PDGFD: variants seen among roughly 807,000 people sequenced by gnomAD.
PDGFD encodes platelet-derived growth factor D.
A neutral mutation model predicts 44.7 loss-of-function variants in PDGFD; 30 were observed. That is an observed-to-expected ratio of 0.67 (90% CI 0.50 to 0.91). The LOEUF is 0.91. Among genes scored for constraint, PDGFD ranks in the 40% least tolerant of loss-of-function variants. PDGFD has a pLI of 0.00. For missense variants in PDGFD, 445 were observed against 457.8 expected, an observed-to-expected ratio of 0.97 and a Z score of 0.25; for synonymous variants, 173 against 168.4, an observed-to-expected ratio of 1.03 and a Z score of -0.21.
At chr11:104,115,459 A>G (rs7925605) in intron 1 of PDGFD, among the ~76,000 whole-genome samples, 37,816 of 151,622 alleles carry the variant, frequency 0.25, 4,828 homozygotes, top group East Asian at 0.29. Flanking sequence ...TGGGTTTGTT[A>G]CATGATTTTG....
At chr11:103,926,746 G>C (rs1858321325) in intron 6 of PDGFD, among the ~76,000 whole-genome samples, 166 bp downstream of exon 6, 1 of 152,198 alleles carries the variant, frequency 6.6e-6, no homozygotes, top group Non-Finnish European at 1.5e-5. Flanking sequence ...CCTGTCATCA[G>C]GACACTTGGC....
intron 1 of PDGFD, among the ~76,000 whole-genome samples, chr11:104,121,085 A>T (rs1861772595): frequency 6.6e-6 from 1 of 152,054 alleles, no homozygotes. Context: ...TTGAAGATAC[A>T]GAGTGACAGC....
intron 1 of PDGFD, among the ~76,000 whole-genome samples, chr11:104,076,240 C>A (rs1465748221): frequency 1.3e-5 from 2 of 152,128 alleles, no homozygotes; most frequent in African/African-American, 4.8e-5. Flanking sequence ...TTAATTAAAC[C>A]TCTTTCCTTT....
At chr11:104,037,237 G>T in intron 1 of PDGFD, 1 of 1,613,780 alleles carries the variant, frequency 6.2e-7, no homozygotes, top group Admixed American at 1.7e-5. Context: ...CGGCCTGCAA[G>T]GTCTGGGCAG....
Position 104,072,859 on chromosome 11 carries a change from G to A in PDGFD, c.125-72604C>T, listed in dbSNP as rs528561640. On this transcript the variant is annotated intron_variant, in intron 1 of 6. Coordinates refer to ENST00000393158, the MANE Select transcript of PDGFD (RefSeq NM_025208.5). ...GCTCTTTCAGAAATGTGTGGGTTTA[G>A]ATGACATAATGTATATAAATGTCTA... Among the ~76,000 whole-genome samples the A allele has an allele frequency of 4.6e-5, 7 of 152,102 alleles. No individual in the cohort carries two copies. In the East Asian group the frequency reaches 9.6e-4, roughly 21 times the overall value.
chr11:104,096,209 C>T (rs1293726601), intron 1 of PDGFD, among the ~76,000 whole-genome samples: 3 of 149,342 alleles, frequency 2.0e-5, no homozygotes. Flanking sequence ...ATTCAAGGAT[C>T]CATATGTCCA....
chr11:104,014,570 T>C (rs1859833236), intron 1 of PDGFD, among the ~76,000 whole-genome samples: 1 of 152,138 alleles, frequency 6.6e-6, no homozygotes, highest in African/African-American at 2.4e-5. Flanking sequence ...ATCTAGAATC[T>C]TTTTTTCAGA....
At chr11:104,058,134 A>T (rs1483053761) in intron 1 of PDGFD, among the ~76,000 whole-genome samples, 1 of 152,346 alleles carries the variant, frequency 6.6e-6, no homozygotes, top group Admixed American at 6.5e-5. Flanking sequence ...CATGAACCAT[A>T]AAAGAAAACA....
intron 1 of PDGFD, among the ~76,000 whole-genome samples, chr11:104,132,072 A>G (rs901648912): frequency 1.8e-4 from 28 of 152,040 alleles, no homozygotes; most frequent in Non-Finnish European, 3.2e-4. Flanking sequence ...AGCATGCCAA[A>G]AAACAGGTAA....
At chr11:103,999,132 G>A (rs1309401171) in intron 2 of PDGFD, among the ~76,000 whole-genome samples, 1 of 152,098 alleles carries the variant, frequency 6.6e-6, no homozygotes, top group Non-Finnish European at 1.5e-5. Context: ...AGTCAGTGCT[G>A]TTATTCTCAG....
chr11:104,098,233 A>G (rs906835344), intron 1 of PDGFD, among the ~76,000 whole-genome samples: 1 of 152,112 alleles, frequency 6.6e-6, no homozygotes, highest in Non-Finnish European at 1.5e-5. Flanking sequence ...GGTGAGAGAA[A>G]AGCAAAGATT....
chr11:104,010,256 C>T (rs752207509), intron 1 of PDGFD, among the ~76,000 whole-genome samples: 6 of 151,660 alleles, frequency 4.0e-5, no homozygotes, highest in African/African-American at 1.2e-4. Context: ...AACAGCCATG[C>T]TCACAGTAAC....
At chr11:104,144,507 C>CAAAA (rs201864924) in intron 1 of PDGFD, among the ~76,000 whole-genome samples, 10,488 of 72,674 alleles carry the variant, frequency 0.14, 579 homozygotes, top group East Asian at 0.16. Flanking sequence ...ACTCCGTCAC[C>CAAAA]AAAAAAAAAA....
intron 3 of PDGFD, among the ~76,000 whole-genome samples, chr11:103,952,722 T>C (rs370304161): frequency 1.4e-3 from 217 of 152,318 alleles, no homozygotes; most frequent in African/African-American, 5.1e-3. Context: ...ATTGTATAAT[T>C]ATAAACATCT....
At chr11:104,118,815 TTATATATTATAAATATTAATA>T (rs1206462848) in intron 1 of PDGFD, among the ~76,000 whole-genome samples, 3 of 43,506 alleles carry the variant, frequency 6.9e-5, no homozygotes, top group African/African-American at 2.4e-4. Flanking sequence ...ATATAATATA[TTATATATTATAAATATTAATA>T]TATAATATAT....
chr11:104,158,998 C>G (rs968149832), intron 1 of PDGFD, among the ~76,000 whole-genome samples: 2 of 150,296 alleles, frequency 1.3e-5, no homozygotes, highest in Admixed American at 1.3e-4. Flanking sequence ...ACTAAAATTA[C>G]AAAAATTAGC....
chr11:103,980,588 A>C (rs1205862338), intron 3 of PDGFD, among the ~76,000 whole-genome samples: 1 of 151,948 alleles, frequency 6.6e-6, no homozygotes, highest in Non-Finnish European at 1.5e-5. Context: ...CTCTTACTTT[A>C]TGGGATTCTC....
intron 5 of PDGFD, among the ~76,000 whole-genome samples, chr11:103,938,368 G>A (rs1361357052): frequency 1.3e-5 from 2 of 152,152 alleles, no homozygotes; most frequent in African/African-American, 4.8e-5. Context: ...AGAAGTGTCT[G>A]TTCATATCCT....
chr11:103,925,716 C>CACACATATATATATAT (rs1198529368), intron 6 of PDGFD, among the ~76,000 whole-genome samples: 21 of 122,776 alleles, frequency 1.7e-4, no homozygotes, highest in African/African-American at 6.1e-4. Flanking sequence ...CACACACACA[C>CACACATATATATATAT]ATATATATAT....
Sources: allele counts gnomAD v4.1 joint callset (sites outside exome capture counted in the v4.1 genomes callset), GRCh38; gene constraint gnomAD v4.1.1; transcripts MANE v1.5; gene names NCBI Gene and HGNC (gene_info 2026-07-23, HGNC 2026-07-21).